CROT: variants seen among roughly 807,000 people sequenced by gnomAD.
CROT encodes the protein carnitine O-octanoyltransferase, also known as peroxisomal carnitine O-octanoyltransferase.
A neutral mutation model predicts 89.2 loss-of-function variants in CROT; 84 were observed. The ratio of observed to expected loss-of-function variants is 0.94; its 90% confidence interval spans 0.79 to 1.13. The LOEUF (loss-of-function observed/expected upper bound fraction) is 1.13, where lower values mean the gene tolerates loss of function less well. Ranked by LOEUF, CROT falls within the 50% of genes most tolerant of loss-of-function variation. The pLI is 0.00. For missense variants in CROT, 711 were observed against 727.8 expected (o/e 0.98, Z 0.27); for synonymous variants, 212 against 239.5 (o/e 0.89, Z 1.06).
At chr7:87,381,720 CA>C (rs1562936424) in intron 10 of CROT, among the ~76,000 whole-genome samples, 189 bp from the exon 11 acceptor site, 3 of 152,068 alleles carry the variant, frequency 2.0e-5, no homozygotes, top group African/African-American at 7.2e-5. Flanking sequence ...ACTTTTTTTC[CA>C]AAAAATAAAA....
chr7:87,389,058 CA>C (rs2116134577), intron 13 of CROT, among the ~76,000 whole-genome samples: 1 of 152,290 alleles, frequency 6.6e-6, no homozygotes, highest in African/African-American at 2.4e-5. Context: ...AAATGCAAAT[CA>C]AAATCACAAT....
intron 3 of CROT, among the ~76,000 whole-genome samples, chr7:87,350,359 T>G (rs533694269): frequency 1.5e-4 from 23 of 152,308 alleles, no homozygotes; most frequent in African/African-American, 5.3e-4. Flanking sequence ...TTTGGGAAGT[T>G]TCTCCTGTCA....
At chr7:87,368,937 T>C (rs1806536177) in intron 6 of CROT, among the ~76,000 whole-genome samples, 1 of 152,256 alleles carries the variant, frequency 6.6e-6, no homozygotes, top group Admixed American at 6.5e-5. Context: ...TGAAAATTAT[T>C]TTATTGAGTT....
At chr7:87,356,120 G>A (rs1806059066) in intron 3 of CROT, among the ~76,000 whole-genome samples, 1 of 152,072 alleles carries the variant, frequency 6.6e-6, no homozygotes, top group African/African-American at 2.4e-5. Flanking sequence ...AGCTGAGACT[G>A]CAGGCAGGTG....
At chr7:87,384,027 A>C (rs1807112986) in intron 13 of CROT, among the ~76,000 whole-genome samples, 1 of 151,912 alleles carries the variant, frequency 6.6e-6, no homozygotes, top group South Asian at 2.1e-4. Flanking sequence ...GTACTAATTT[A>C]CATTTCCACC....
chr7:87,392,563 C>T lies in CROT; in HGVS notation c.1426-3C>T. ...TTGAAGTGTCTCTCGATTTTTAATA[C>T]AGCTTCGTGAGCGGCAGCAAAAGAT... On this transcript the variant is annotated splice_region_variant and splice_polypyrimidine_tract_variant and intron_variant, in intron 14 of 17. Coordinates refer to ENST00000331536, the MANE Select transcript of CROT (RefSeq NM_021151.4). 3 of 1,611,914 alleles carry T rather than the reference C, an allele frequency of 1.9e-6. No homozygotes were observed. Among genetic ancestry groups the T allele is most frequent in the East Asian group, 2.2e-5 (1 of 44,854 alleles).
intron 13 of CROT, among the ~76,000 whole-genome samples, chr7:87,389,546 T>A (rs547524262): frequency 6.6e-6 from 1 of 151,626 alleles, no homozygotes; most frequent in East Asian, 1.9e-4. Flanking sequence ...CACCACATGT[T>A]CTCACTCATA....
At chr7:87,358,706 T>G (rs1584624043) in intron 3 of CROT, among the ~76,000 whole-genome samples, 1 of 152,076 alleles carries the variant, frequency 6.6e-6, no homozygotes, top group South Asian at 2.1e-4. Flanking sequence ...TCATGTTGAG[T>G]AGGTGGAGGA....
chr7:87,356,403 C>T (rs802024), intron 3 of CROT, among the ~76,000 whole-genome samples: 7,448 of 152,134 alleles, frequency 0.049, 232 homozygotes, highest in Middle Eastern at 0.071. Flanking sequence ...GAGTTTCTAA[C>T]ATGTACATTT....
intron 7 of CROT, among the ~76,000 whole-genome samples, chr7:87,370,785 A>C (rs758397433): frequency 2.6e-5 from 4 of 152,236 alleles, no homozygotes; most frequent in Non-Finnish European, 5.9e-5. Flanking sequence ...GCTGCTGTGA[A>C]AATCCTTGTG....
intron 5 of CROT, 70 bp from the exon 6 acceptor site, chr7:87,361,658 T>G (rs1335240558): frequency 1.3e-6 from 2 of 1,533,858 alleles, no homozygotes; most frequent in African/African-American, 1.4e-5. Context: ...TATTTGGGGA[T>G]GAACACTTCA....
chr7:87,386,449 T>C (rs1807187043), intron 13 of CROT, among the ~76,000 whole-genome samples: 1 of 152,210 alleles, frequency 6.6e-6, no homozygotes, highest in African/African-American at 2.4e-5. Context: ...TGTTGGCATA[T>C]AGTTACTCAT....
At position 87,379,043 on chromosome 7, in the gene CROT, A is replaced by G. The variant is rs140773521; in HGVS notation, c.978+1593A>G. Among the ~76,000 whole-genome samples the G allele has an allele frequency of 7.7e-4, 117 of 152,144 alleles. 2 individuals are homozygous for G. The East Asian group carries it at 0.021, about 27-fold the overall frequency. On this transcript the variant is annotated intron_variant, in intron 10 of 17. Coordinates refer to ENST00000331536, the MANE Select transcript of CROT (RefSeq NM_021151.4). ...TAATTGCCTCAGTTTTCTTCTCTTCAGCTCCTCATTTGATTCTCCTTGACC... is the reference window on the plus strand; with the variant it reads ...TAATTGCCTCAGTTTTCTTCTCTTCGGCTCCTCATTTGATTCTCCTTGACC...
Position 87,382,482 on chromosome 7 carries a change from C to T in CROT, c.1240C>T (p.Leu414Phe). 1 of 1,613,956 alleles carries T rather than the reference C, an allele frequency of 6.2e-7. No homozygotes were observed. The highest frequency in any genetic ancestry group is 8.5e-7 in the Non-Finnish European group (1 of 1,179,862). ...CAAAAAGCTAACCAAGAACAAGATG[C>T]TTCACCCGGATACGTTTATTCAGCT... ...FGKKLTKNKMLHPDTFIQLAL... is the reference protein window; with the variant it reads ...FGKKLTKNKMFHPDTFIQLAL... Residue 414 changes from leucine (L) to phenylalanine (F), a missense_variant, in exon 13 of 18, where the codon CTT (leucine) becomes TTT (phenylalanine). Coordinates refer to ENST00000331536, the MANE Select transcript of CROT (RefSeq NM_021151.4).
chr7:87,357,369 A>T (rs1806112232), intron 3 of CROT: 2 of 1,091,466 alleles, frequency 1.8e-6, no homozygotes, highest in African/African-American at 3.1e-5. Context: ...TATACCCTAG[A>T]GACTCTAACC....
chr7:87,365,601 A>AGTTTTTT (rs1368891499), intron 6 of CROT, among the ~76,000 whole-genome samples: 3 of 147,624 alleles, frequency 2.0e-5, no homozygotes, highest in Non-Finnish European at 4.5e-5. Flanking sequence ...AATTAAAACT[A>AGTTTTTT]GTTTTTTGTT....
chr7:87,393,922 G>C (rs1270053627), intron 17 of CROT, among the ~76,000 whole-genome samples: 1 of 152,120 alleles, frequency 6.6e-6, no homozygotes, highest in Non-Finnish European at 1.5e-5. Flanking sequence ...ACTCAAAACT[G>C]TGTAGTGTAG....
chr7:87,366,399 G>T (rs1806449888), intron 6 of CROT, among the ~76,000 whole-genome samples: 1 of 151,810 alleles, frequency 6.6e-6, no homozygotes, highest in African/African-American at 2.4e-5. Flanking sequence ...CTACATTGTT[G>T]CAGTGACTTT....
intron 6 of CROT, among the ~76,000 whole-genome samples, chr7:87,362,727 CTG>C: frequency 6.6e-6 from 1 of 150,618 alleles, no homozygotes; most frequent in South Asian, 2.1e-4. Context: ...GCTGTGGTAA[CTG>C]TTTTTTTCAC....
Sources: gnomAD v4.1 joint callset for allele counts (sites outside exome capture counted in the v4.1 genomes callset) on GRCh38, gnomAD v4.1.1 for gene constraint, MANE v1.5 for transcripts, NCBI Gene and HGNC (gene_info 2026-07-23, HGNC 2026-07-21) for gene names.